Variants in WNT7B observed in about 807,000 individuals in gnomAD.
WNT7B encodes the protein protein Wnt-7b.
Under a neutral mutation model 38.2 loss-of-function variants are expected in WNT7B, and 19 were observed. The observed-to-expected ratio is 0.50, with a 90% CI of 0.35 to 0.73. The LOEUF (loss-of-function observed/expected upper bound fraction) is 0.73. Ranked by LOEUF, WNT7B falls within the 30% of genes least tolerant of loss-of-function variation. WNT7B has a pLI of 0.01. For synonymous variants in WNT7B, 243 were observed against 209.3 expected, an observed-to-expected ratio of 1.16 and a Z score of -1.39; for missense variants, 423 against 507.9, an observed-to-expected ratio of 0.83 and a Z score of 1.61.
At chr22:45,930,209 C>A (rs1204191085) in intron 3 of WNT7B, among the ~76,000 whole-genome samples, 1 of 152,276 alleles carries the variant, frequency 6.6e-6, no homozygotes, top group African/African-American at 2.4e-5. Context: ...GGCCCTGATT[C>A]CTCTCTGCCC....
chr22:45,932,870 C>T (rs1023395956), intron 2 of WNT7B, among the ~76,000 whole-genome samples: 1 of 150,788 alleles, frequency 6.6e-6, no homozygotes, highest in Non-Finnish European at 1.5e-5. Flanking sequence ...CCAGCACCCG[C>T]GAGCACCTGC....
chr22:45,957,323 T>C (rs969702438), intron 1 of WNT7B, among the ~76,000 whole-genome samples: 3 of 151,932 alleles, frequency 2.0e-5, no homozygotes, highest in Non-Finnish European at 2.9e-5. Flanking sequence ...TTATAGCATG[T>C]GACTTTATTG....
chr22:45,928,352 G>A (rs149738429), intron 3 of WNT7B, among the ~76,000 whole-genome samples: 57 of 152,250 alleles, frequency 3.7e-4, no homozygotes, highest in African/African-American at 1.3e-3. Flanking sequence ...CACCACCCTC[G>A]GCCTTCTCCA....
At chr22:45,961,125 G>T (rs1254405203) in intron 1 of WNT7B, among the ~76,000 whole-genome samples, 2 of 152,262 alleles carry the variant, frequency 1.3e-5, no homozygotes, top group African/African-American at 4.8e-5. Context: ...GGCTGGAAGG[G>T]ACGCATTGCA....
intron 2 of WNT7B, among the ~76,000 whole-genome samples, chr22:45,939,346 T>A (rs539819346): frequency 6.6e-6 from 1 of 152,328 alleles, no homozygotes; most frequent in East Asian, 1.9e-4. Context: ...GAAGTATTCA[T>A]AGCATCCTTA....
At chr22:45,950,277 G>T in intron 1 of WNT7B, 131 bp from the exon 2 acceptor site, 1 of 772,572 alleles carries the variant, frequency 1.3e-6, no homozygotes, top group Non-Finnish European at 2.1e-6. Flanking sequence ...GGCACAAGCA[G>T]ATCCCTGCCC....
intron 2 of WNT7B, among the ~76,000 whole-genome samples, chr22:45,944,385 A>G (rs1931745039): frequency 6.6e-6 from 1 of 152,192 alleles, no homozygotes; most frequent in African/African-American, 2.4e-5. Flanking sequence ...CCGTCCTCCC[A>G]GGAGCCTGTG....
intron 1 of WNT7B, chr22:45,972,108 C>CGGGGGGGGGGGGGGGGG: frequency 1.7e-6 from 1 of 579,230 alleles, no homozygotes; most frequent in East Asian, 3.6e-5. Flanking sequence ...GCTGGAGGCC[C>CGGGGGGGGGGGGGGGGG]GGGGGGAGCC....
chr22:45,972,116 G>GGGGCCCCC, intron 1 of WNT7B: 6 of 530,728 alleles, frequency 1.1e-5, no homozygotes, highest in Admixed American at 4.1e-5. Context: ...CCCGGGGGGA[G>GGGGCCCCC]CCCACCCGCC....
At chr22:45,935,052 G>A (rs1176950204) in intron 2 of WNT7B, among the ~76,000 whole-genome samples, 10 of 152,210 alleles carry the variant, frequency 6.6e-5, no homozygotes. Context: ...GTCATGGTGT[G>A]CCTAGGTGTG....
chr22:45,928,278 G>A (rs2146707410), intron 3 of WNT7B, among the ~76,000 whole-genome samples: 1 of 152,264 alleles, frequency 6.6e-6, no homozygotes, highest in Non-Finnish European at 1.5e-5. Flanking sequence ...AGGAAGGGCT[G>A]GATTCAGTGC....
At chr22:45,971,153 G>A (rs1932427409) in intron 1 of WNT7B, among the ~76,000 whole-genome samples, 1 of 151,970 alleles carries the variant, frequency 6.6e-6, no homozygotes, top group Non-Finnish European at 1.5e-5. Context: ...ACCGCATGGG[G>A]GGAGGGGGTG....
intron 1 of WNT7B, among the ~76,000 whole-genome samples, chr22:45,956,358 C>G (rs1705255560): frequency 6.6e-6 from 1 of 152,240 alleles, no homozygotes; most frequent in Admixed American, 6.5e-5. Flanking sequence ...AAGGTTGAGA[C>G]TGCAAGCTCA....
chr22:45,924,166 G>T (rs1931009515), intron 3 of WNT7B, among the ~76,000 whole-genome samples: 1 of 152,232 alleles, frequency 6.6e-6, no homozygotes. Flanking sequence ...GAGGCCATTT[G>T]TCAGCTGTCA....
intron 3 of WNT7B, among the ~76,000 whole-genome samples, chr22:45,929,038 T>A (rs1172085199): frequency 2.6e-5 from 4 of 152,134 alleles, no homozygotes; most frequent in African/African-American, 9.7e-5. Flanking sequence ...ACTCTCCTTA[T>A]CTTTAAAATG....
At position 45,949,906 on chromosome 22, in the gene WNT7B, A is replaced by C; in HGVS notation, c.298+14T>G. ...CACAATGGCTGGGCCCCTTGAGCCCAGAGGCGCCCTTACCTACTCGGAGCT... is the reference window on the plus strand; with the variant it reads ...CACAATGGCTGGGCCCCTTGAGCCCCGAGGCGCCCTTACCTACTCGGAGCT... On this transcript the variant is annotated intron_variant, in intron 2 of 3. Coordinates refer to ENST00000339464, the MANE Select transcript of WNT7B (RefSeq NM_058238.3). The C allele has an allele frequency of 6.2e-7, 1 of 1,600,364 alleles. No homozygotes were observed. Among genetic ancestry groups the C allele is most frequent in the Non-Finnish European group, 8.5e-7 (1 of 1,169,922 alleles).
Position 45,929,619 on chromosome 22 carries a change from CCCATCCTTCCATCCATGCAT to C in WNT7B, c.570+1459_570+1478del, listed in dbSNP as rs771345446. Among the ~76,000 whole-genome samples the C allele has an allele frequency of 7.8e-4, 111 of 142,858 alleles. 1 individual carries two copies. The highest frequency in any genetic ancestry group is 5.6e-4 in the Admixed American group (8 of 14,396). The allele number at this position is 142,858 out of a possible 152,430, so 93.7% of individuals were successfully genotyped here. ...ATGCATCCATCCACCTGCCCATACACCCATCCTTCCATCCATGCATCCACTCATCCATCCTTCCACCCACC... is the reference window on the plus strand; with the variant it reads ...ATGCATCCATCCACCTGCCCATACACCCACTCATCCATCCTTCCACCCACC... On this transcript the variant is annotated intron_variant, in intron 3 of 3. Coordinates refer to ENST00000339464, the MANE Select transcript of WNT7B (RefSeq NM_058238.3).
rs1218953440 is a variant in WNT7B, at chr22:45,975,076, C to G, written c.71+1608G>C. Among the ~76,000 whole-genome samples the G allele has an allele frequency of 3.3e-5, 5 of 152,164 alleles. No homozygotes were observed. Among genetic ancestry groups the G allele is most frequent in the South Asian group, 2.1e-4 (1 of 4,826 alleles). On this transcript the variant is annotated intron_variant, in intron 1 of 3. Coordinates refer to ENST00000339464, the MANE Select transcript of WNT7B (RefSeq NM_058238.3). The surrounding 1 kb of genome is among the most constrained non-coding windows in gnomAD (Gnocchi z 6.6). The stretch of plus-strand genomic sequence containing the variant: ...GCCCACAGTGGGGGGTCAGAGCCAA[C>G]TGCAGCCCCAGCTCTGTCACTGAAT...
intron 3 of WNT7B, among the ~76,000 whole-genome samples, chr22:45,928,575 C>T (rs200262007): frequency 6.6e-6 from 1 of 151,984 alleles, no homozygotes; most frequent in East Asian, 1.9e-4. Flanking sequence ...TGGCTGTCCT[C>T]TTTGTCTCCT....
Sources: gnomAD v4.1 joint callset for allele counts (sites outside exome capture counted in the v4.1 genomes callset) on GRCh38, gnomAD v4.1.1 for gene constraint, Gnocchi (gnomAD v3.1) non-coding constraint, MANE v1.5 for transcripts, NCBI Gene and HGNC (gene_info 2026-07-23, HGNC 2026-07-21) for gene names.